The following UBAC2 variants were observed in gnomAD, a reference collection of about 807,000 sequenced individuals.
The protein encoded by UBAC2 is UBA domain containing 2.
UBAC2 carries 26 observed loss-of-function variants against 44.0 expected under a neutral mutation model. That is an observed-to-expected ratio of 0.59 (90% CI 0.43 to 0.82). The LOEUF (loss-of-function observed/expected upper bound fraction) is 0.82. UBAC2 is among the 40% of genes least tolerant of loss of function. The pLI is 0.00. For missense variants in UBAC2, 329 were observed against 419.4 expected (o/e 0.78, Z 1.88); for synonymous variants, 155 against 154.3 (o/e 1.00, Z -0.04).
intron 7 of UBAC2, among the ~76,000 whole-genome samples, chr13:99,349,608 G>A (rs1594156578): frequency 6.6e-6 from 1 of 152,230 alleles, no homozygotes; most frequent in Non-Finnish European, 1.5e-5. Flanking sequence ...GGACAGGGGG[G>A]CCCTTCCCTC....
chr13:99,240,577 T>C (rs113300618), intron 2 of UBAC2, among the ~76,000 whole-genome samples: 15 of 152,314 alleles, frequency 9.8e-5, no homozygotes, highest in Non-Finnish European at 1.6e-4. Flanking sequence ...TCTGAGGAGA[T>C]GACAGTCATC....
At chr13:99,226,219 C>T (rs1347570057) in intron 1 of UBAC2, among the ~76,000 whole-genome samples, 3 of 152,130 alleles carry the variant, frequency 2.0e-5, no homozygotes, top group Admixed American at 2.0e-4. Context: ...GGGCCCAGAT[C>T]TTGTAGGTAG....
At chr13:99,241,807 G>A (rs1343676284) in intron 2 of UBAC2, among the ~76,000 whole-genome samples, 1 of 147,350 alleles carries the variant, frequency 6.8e-6, no homozygotes, top group African/African-American at 2.5e-5. Flanking sequence ...CAGGGTCATA[G>A]GACAATAGTG....
intron 4 of UBAC2, among the ~76,000 whole-genome samples, chr13:99,304,393 T>C (rs546888862): frequency 4.1e-4 from 63 of 152,316 alleles, no homozygotes; most frequent in Middle Eastern, 6.8e-3. Context: ...GAGAGTGCTG[T>C]GCTCTGTCAT....
chr13:99,220,187 T>G (rs1023998159), intron 1 of UBAC2, among the ~76,000 whole-genome samples: 3 of 152,198 alleles, frequency 2.0e-5, no homozygotes, highest in African/African-American at 7.2e-5. Context: ...TAGTTCCTTC[T>G]TATATATTAG....
intron 1 of UBAC2, among the ~76,000 whole-genome samples, chr13:99,224,216 G>A (rs2043085545): frequency 6.6e-6 from 1 of 152,096 alleles, no homozygotes; most frequent in Admixed American, 6.5e-5. Flanking sequence ...GTCATCACAT[G>A]GTCTTTCCTT....
At chr13:99,250,174 T>C (rs2043440155) in intron 4 of UBAC2, among the ~76,000 whole-genome samples, 1 of 152,254 alleles carries the variant, frequency 6.6e-6, no homozygotes, top group Non-Finnish European at 1.5e-5. Flanking sequence ...GGTTTTCTTC[T>C]AGGATTCTTA....
intron 7 of UBAC2, 57 bp from the exon 8 acceptor site, chr13:99,367,730 C>T: frequency 6.2e-7 from 1 of 1,610,814 alleles, no homozygotes; most frequent in Non-Finnish European, 8.5e-7. Flanking sequence ...CTCTTCCAAG[C>T]ATTATGATGA....
intron 7 of UBAC2, among the ~76,000 whole-genome samples, chr13:99,363,303 A>G (rs1329320697): frequency 6.6e-6 from 1 of 152,246 alleles, no homozygotes; most frequent in Non-Finnish European, 1.5e-5. Context: ...CAAAATAGTC[A>G]TGCCTAGTTT....
chr13:99,208,208 G>T (rs570963901), intron 1 of UBAC2, among the ~76,000 whole-genome samples: 39 of 152,142 alleles, frequency 2.6e-4, no homozygotes, highest in Middle Eastern at 6.8e-3. Context: ...TGTTGGTCAG[G>T]CTGGTCTTGA....
At chr13:99,340,652 C>T in intron 7 of UBAC2, 87 bp downstream of exon 7, 20 of 1,431,154 alleles carry the variant, frequency 1.4e-5, no homozygotes, top group Non-Finnish European at 1.8e-5. Context: ...GAGATAGAGA[C>T]TACATTTTAT....
Position 99,200,854 on chromosome 13 carries a change from G to A in UBAC2, c.-55G>A. 1.6e-6 allele frequency: 2 copies of A among 1,250,800 alleles called. No individual in the cohort carries two copies. The highest frequency in any genetic ancestry group is 2.7e-5 in the South Asian group (1 of 37,046). The allele number at this position is 1,250,800 out of a possible 1,614,324, so 77.5% of individuals were successfully genotyped here. On this transcript the variant is annotated 5_prime_UTR_variant, in exon 1 of 9. Coordinates refer to ENST00000403766, the MANE Select transcript of UBAC2 (RefSeq NM_001144072.2). ...TGCGCCTGCGCGGTCGCTGGGGCTC[G>A]CACTTCAGCTTCCCCTCCCCCGGCG...
chr13:99,226,416 A>T lies in UBAC2; in HGVS notation c.32-12011A>T, dbSNP rs117940009. Among the ~76,000 whole-genome samples the T allele has an allele frequency of 0.022, 3,314 of 152,172 alleles. 218 individuals carry two copies. In the East Asian group the frequency reaches 0.24, roughly 11 times the overall value. On this transcript the variant is annotated intron_variant, in intron 1 of 8. Coordinates refer to ENST00000403766, the MANE Select transcript of UBAC2 (RefSeq NM_001144072.2). ...CCAGTTTCAACCTCCCTCTTCATCT[A>T]CACCTCCACCCTGCTGGTTTGAACA...
rs144035947 is a variant in UBAC2, at chr13:99,295,447, A to G, written c.390-18650A>G. 1.8e-4 allele frequency: 296 copies of G among 1,614,104 alleles called. 1 individual carries two copies. The African/African-American group carries it at 3.6e-3, about 20-fold the overall frequency. ...CCTTTTTGTTTACACCAGATTTCTC[A>G]GTGAGTGGGTTTTGTTTGGCAGTTC... On this transcript the variant is annotated intron_variant, in intron 4 of 8. Transcript: ENST00000403766. This position sits in a 1 kb window ranked among gnomAD's most constrained non-coding sequence, Gnocchi z 4.1.
intron 1 of UBAC2, among the ~76,000 whole-genome samples, chr13:99,230,712 T>C (rs1278015844): frequency 3.9e-5 from 6 of 152,106 alleles, no homozygotes; most frequent in Admixed American, 6.5e-5. Context: ...TTCTTACACA[T>C]TGTCACTCTG....
At chr13:99,227,698 A>T (rs2043126392) in intron 1 of UBAC2, among the ~76,000 whole-genome samples, 1 of 152,072 alleles carries the variant, frequency 6.6e-6, no homozygotes, top group African/African-American at 2.4e-5. Flanking sequence ...TCCTGTCTAC[A>T]CTCCAAACCA....
intron 4 of UBAC2, among the ~76,000 whole-genome samples, chr13:99,274,446 T>A (rs1198786720): frequency 6.6e-6 from 1 of 151,474 alleles, no homozygotes; most frequent in Non-Finnish European, 1.5e-5. Context: ...TGCCTCAGCC[T>A]CCCCAGTAGC....
chr13:99,298,419 C>G (rs545270097), intron 4 of UBAC2, among the ~76,000 whole-genome samples: 1 of 152,198 alleles, frequency 6.6e-6, no homozygotes, highest in East Asian at 1.9e-4. Context: ...GAAGAAATCA[C>G]AGTGGAAATT....
intron 8 of UBAC2, among the ~76,000 whole-genome samples, 166 bp from the exon 9 acceptor site, chr13:99,385,062 G>A (rs1022801960): frequency 6.6e-5 from 10 of 152,210 alleles, no homozygotes; most frequent in African/African-American, 2.4e-4. Flanking sequence ...TGAAAAATTT[G>A]TACCTGGTAT....
Sources: gnomAD v4.1 joint callset for allele counts (sites outside exome capture counted in the v4.1 genomes callset) on GRCh38, gnomAD v4.1.1 for gene constraint, Gnocchi (gnomAD v3.1) non-coding constraint, MANE v1.5 for transcripts, NCBI Gene and HGNC (gene_info 2026-07-23, HGNC 2026-07-21) for gene names.